Variants in ZSWIM4 observed in about 807,000 individuals in gnomAD.
ZSWIM4 encodes the protein zinc finger SWIM-type containing 4, also known as zinc finger SWIM domain-containing protein 4.
Under a neutral mutation model 102.5 loss-of-function variants are expected in ZSWIM4, and 62 were observed. That is an observed-to-expected ratio of 0.60 (90% CI 0.49 to 0.75). ZSWIM4 has a LOEUF of 0.75. Among genes scored for constraint, ZSWIM4 ranks in the 30% least tolerant of loss-of-function variants. The pLI is 0.00. For missense variants in ZSWIM4, 1,280 were observed against 1,529.6 expected, an observed-to-expected ratio of 0.84 and a Z score of 2.72; for synonymous variants, 652 against 674.5, an observed-to-expected ratio of 0.97 and a Z score of 0.52.
intron 3 of ZSWIM4, 37 bp from the exon 4 acceptor site, chr19:13,808,799 G>T (rs1290329334): frequency 1.3e-6 from 2 of 1,491,966 alleles, no homozygotes; most frequent in African/African-American, 1.4e-5. Flanking sequence ...CCCAACTCCA[G>T]CCCCAGCCTC....
chr19:13,827,740 A>G (rs1975650486), intron 12 of ZSWIM4, among the ~76,000 whole-genome samples: 1 of 152,144 alleles, frequency 6.6e-6, no homozygotes, highest in African/African-American at 2.4e-5. Flanking sequence ...GAGCTTTCAG[A>G]GGCTACTCAA....
At chr19:13,816,028 G>A (rs1219710823) in intron 7 of ZSWIM4, among the ~76,000 whole-genome samples, 1 of 144,192 alleles carries the variant, frequency 6.9e-6, no homozygotes, top group Non-Finnish European at 1.5e-5. Flanking sequence ...GAGGGACAGA[G>A]AGAGATGGGG....
chr19:13,817,993 A>C lies in ZSWIM4; in HGVS notation c.1924+17A>C, dbSNP rs1473788163. ...TGCTGGAAGGTGAGGCCGCGCCCCT[A>C]GGCCTGGCTGTTGCTGAAGGGTAGG... On this transcript the variant is annotated intron_variant, in intron 9 of 13. Coordinates refer to ENST00000590508, the MANE Select transcript of ZSWIM4 (RefSeq NM_001367834.3). 4 of 1,478,344 alleles carry C rather than the reference A, an allele frequency of 2.7e-6. No homozygotes were observed. Among genetic ancestry groups the C allele is most frequent in the Non-Finnish European group, 3.6e-6 (4 of 1,111,082 alleles). The allele number at this position is 1,478,344 out of a possible 1,614,324, so 91.6% of individuals were successfully genotyped here.
chr19:13,830,252 G>A lies in ZSWIM4; in HGVS notation c.2523G>A (p.Ala841=), dbSNP rs1975720733. The A allele has an allele frequency of 6.8e-6, 11 of 1,613,830 alleles. No individual in the cohort carries two copies. The South Asian group carries it at 8.8e-5, about 13-fold the overall frequency. Residue 841 remains alanine, a synonymous_variant, in exon 14 of 14, where the codon GCG becomes GCA. Coordinates refer to ENST00000590508, the MANE Select transcript of ZSWIM4 (RefSeq NM_001367834.3). ...ATTCCTTATTCACACCAGTGGAGGCGGCTACCATCGTGGCAGTGACGGGCA... is the reference window on the plus strand; with the variant it reads ...ATTCCTTATTCACACCAGTGGAGGCAGCTACCATCGTGGCAGTGACGGGCA... The part of the protein sequence containing the change: ...NWYSLFTPVE[A]ATIVAVTGTT...
rs533743594 is a variant in ZSWIM4, at chr19:13,816,213, C to T, written c.1532-1003C>T. ...GGAAATTGAACGAAGAAAAGTGTGT[C>T]GTGGAGGAAACATGGGGGCCCTGGG... On this transcript the variant is annotated intron_variant, in intron 7 of 13. Transcript: ENST00000590508. 3.9e-5 allele frequency among the ~76,000 whole-genome samples: 6 copies of T among 152,116 alleles called. No homozygotes were observed. The East Asian group carries it at 9.7e-4, about 24-fold the overall frequency.
chr19:13,796,104 C>G (rs1350605448), intron 1 of ZSWIM4, among the ~76,000 whole-genome samples: 2 of 151,420 alleles, frequency 1.3e-5, no homozygotes, highest in Non-Finnish European at 2.9e-5. Context: ...ATCTGGCCCC[C>G]ATGGCCCGCC....
Position 13,825,679 on chromosome 19 carries a change from C to T in ZSWIM4, c.2345C>T (p.Thr782Met), listed in dbSNP as rs144367510. The change falls in exon 12 of 14, where the codon ACG becomes ATG. Residue 782 changes from threonine to methionine, a missense_variant. Coordinates refer to ENST00000590508, the MANE Select transcript of ZSWIM4 (RefSeq NM_001367834.3). This position sits in a 1 kb window ranked among gnomAD's most constrained non-coding sequence, Gnocchi z 4.6. ...ATPVSAPPDT[T>M]LLGIALELGL... The stretch of plus-strand genomic sequence containing the variant: ...CCGGTCAGCGCCCCACCAGACACCA[C>T]GCTGCTGGGCATCGCACTGGAGCTG... 3.3e-5 allele frequency: 54 copies of T among 1,612,302 alleles called. No individual in the cohort carries two copies. In the Middle Eastern group the frequency reaches 6.6e-4, roughly 20 times the overall value.
intron 2 of ZSWIM4, among the ~76,000 whole-genome samples, chr19:13,804,340 CAT>C (rs1974853751): frequency 7.3e-6 from 1 of 136,058 alleles, no homozygotes; most frequent in Non-Finnish European, 1.6e-5. Context: ...CATGGTGGCG[CAT>C]GCCTGTAATC....
Position 13,831,317 on chromosome 19 carries a change from G to T in ZSWIM4, c.*267G>T. The T allele has an allele frequency of 2.3e-6, 1 of 432,006 alleles. No homozygotes were observed. The highest frequency in any genetic ancestry group is 4.1e-5 in the South Asian group (1 of 24,258). 26.8% of individuals were successfully genotyped at this position (432,006 alleles called of 1,614,324 possible). A position where few individuals can be genotyped will look rare whatever the true frequency, so the allele number is the denominator to read the frequency against. On this transcript the variant is annotated 3_prime_UTR_variant, in exon 14 of 14. Transcript: ENST00000590508. ...GGGCTGCTGGTATGACCCCACTTTG[G>T]GCACCCCAAAAGCAATAGGCAAACT...
At chr19:13,818,868 C>CT (rs35655398) in intron 9 of ZSWIM4, among the ~76,000 whole-genome samples, 45,050 of 131,126 alleles carry the variant, frequency 0.34, 8,255 homozygotes, top group African/African-American at 0.48. Flanking sequence ...CCTGCCTCCT[C>CT]TTTTTTTTTT....
At chr19:13,797,212 G>T (rs1361938340) in intron 1 of ZSWIM4, among the ~76,000 whole-genome samples, 1 of 152,152 alleles carries the variant, frequency 6.6e-6, no homozygotes, top group Non-Finnish European at 1.5e-5. Context: ...GAGGAAACTG[G>T]GGCACAGAGA....
chr19:13,816,496 A>G (rs887191796), intron 7 of ZSWIM4, among the ~76,000 whole-genome samples: 36 of 152,048 alleles, frequency 2.4e-4, no homozygotes, highest in African/African-American at 8.5e-4. Context: ...GTGTGGTGGC[A>G]CGTACCTGTA....
chr19:13,809,198 C>T lies in ZSWIM4; in HGVS notation c.990C>T (p.Cys330=), dbSNP rs376599224. 1.2e-6 allele frequency: 2 copies of T among 1,609,496 alleles called. No individual in the cohort carries two copies. Among genetic ancestry groups the T allele is most frequent in the Non-Finnish European group, 1.7e-6 (2 of 1,178,240 alleles). ...RQQGAGMTDK[C]RQLWDELGAL... ...AGGGCGCGGGCATGACGGACAAGTG[C>T]CGGCAGCTCTGGGATGAGCTGGGTG... The change falls in exon 5 of 14, where the codon TGC becomes TGT. Residue 330 remains cysteine (C), a synonymous_variant. Coordinates refer to ENST00000590508, the MANE Select transcript of ZSWIM4 (RefSeq NM_001367834.3). The surrounding 1 kb of genome is among the most constrained non-coding windows in gnomAD (Gnocchi z 4.2).
In ZSWIM4 at chr19:13,825,548, A is replaced by C. The variant is rs1253480504; in HGVS notation, c.2216-2A>C. 2 of 1,613,644 alleles carry C rather than the reference A, an allele frequency of 1.2e-6. No individual in the cohort carries two copies. The highest frequency in any genetic ancestry group is 4.5e-5 in the East Asian group (2 of 44,854). ...GTGTCCTCTGTCCCGCCCTTCACCC[A>C]GGAGACCCCAAGTGGCTGCACACGG... On this transcript the variant is annotated splice_acceptor_variant, in intron 11 of 13. Coordinates refer to ENST00000590508, the MANE Select transcript of ZSWIM4 (RefSeq NM_001367834.3). LOFTEE classifies it high-confidence loss of function. This position sits in a 1 kb window ranked among gnomAD's most constrained non-coding sequence, Gnocchi z 4.6.
intron 1 of ZSWIM4, among the ~76,000 whole-genome samples, 153 bp downstream of exon 1, chr19:13,795,954 AAC>A (rs1974600966): frequency 7.2e-6 from 1 of 138,858 alleles, no homozygotes; most frequent in East Asian, 2.3e-4. Flanking sequence ...CCTGCCTGGA[AAC>A]ACCCCCTCAT....
intron 7 of ZSWIM4, chr19:13,815,076 C>T: frequency 4.8e-6 from 1 of 209,076 alleles, no homozygotes; most frequent in Non-Finnish European, 9.9e-6. Flanking sequence ...GCAGGAGGAT[C>T]ACTTGAGCCC....
Position 13,817,338 on chromosome 19 carries a change from C to G in ZSWIM4, c.1654C>G (p.Leu552Val), listed in dbSNP as rs1442906415. ...LEACRLEEET[L>V]TLYPDSGPEK... ...GGCCTGTCGTCTGGAGGAGGAGACA[C>G]TTACCCTTTACCCAGGTACTCACAT... is the stretch of plus-strand genomic sequence containing the variant. Residue 552 changes from leucine (L) to valine (V), a missense_variant, in exon 8 of 14, where the codon CTT becomes GTT. Leu to Val is a conservative substitution (Grantham distance 32, BLOSUM62 1). Coordinates refer to ENST00000590508, the MANE Select transcript of ZSWIM4 (RefSeq NM_001367834.3). The G allele has an allele frequency of 1.9e-6, 3 of 1,613,624 alleles. No homozygotes were observed. Among genetic ancestry groups the G allele is most frequent in the East Asian group, 4.5e-5 (2 of 44,848 alleles).
chr19:13,795,926 A>AC (rs1401918517), intron 1 of ZSWIM4, 125 bp downstream of exon 1: 3 of 497,250 alleles, frequency 6.0e-6, no homozygotes, highest in Non-Finnish European at 8.2e-6. Context: ...CTGAGATTCC[A>AC]CCCCCAGGAC....
intron 1 of ZSWIM4, among the ~76,000 whole-genome samples, chr19:13,798,283 C>T (rs752101755): frequency 1.3e-5 from 2 of 151,966 alleles, no homozygotes; most frequent in Admixed American, 6.6e-5. Flanking sequence ...GGATTCCAGA[C>T]GCCCACCACC....
Sources: allele counts gnomAD v4.1 joint callset (sites outside exome capture counted in the v4.1 genomes callset), GRCh38; gene constraint gnomAD v4.1.1; non-coding constraint Gnocchi (gnomAD v3.1); transcripts MANE v1.5; gene names NCBI Gene and HGNC (gene_info 2026-07-23, HGNC 2026-07-21).